The following ZFP14 variants were observed in gnomAD, a reference collection of about 807,000 sequenced individuals.
ZFP14 encodes zinc finger protein 14 homolog.
ZFP14 carries 22 observed loss-of-function variants against 54.5 expected under a neutral mutation model. That is an observed-to-expected ratio of 0.40 (90% confidence interval 0.29 to 0.58). The LOEUF (loss-of-function observed/expected upper bound fraction) is 0.58, where lower values mean the gene tolerates loss of function less well. ZFP14 is among the 20% of genes least tolerant of loss of function. The pLI is 0.39. For synonymous variants in ZFP14, 159 were observed against 204.0 expected, an observed-to-expected ratio of 0.78 and a Z score of 1.88; for missense variants, 470 against 637.8, an observed-to-expected ratio of 0.74 and a Z score of 2.83.
At chr19:36,372,636 G>A (rs928840594) in intron 1 of ZFP14, among the ~76,000 whole-genome samples, 1 of 152,082 alleles carries the variant, frequency 6.6e-6, no homozygotes, top group Non-Finnish European at 1.5e-5. Context: ...ATGACAAACA[G>A]TATGGAGAGG....
chr19:36,346,211 G>A (rs540073932), intron 4 of ZFP14, among the ~76,000 whole-genome samples: 16 of 152,176 alleles, frequency 1.1e-4, no homozygotes, highest in South Asian at 4.1e-4. Flanking sequence ...GTCTGAGCCC[G>A]GGAGGCGGGC....
intron 4 of ZFP14, among the ~76,000 whole-genome samples, chr19:36,348,918 G>A (rs749111163): frequency 6.6e-6 from 1 of 152,028 alleles, no homozygotes; most frequent in Non-Finnish European, 1.5e-5. Context: ...GTATCTCAGT[G>A]GAAAATTCTA....
intron 4 of ZFP14, among the ~76,000 whole-genome samples, chr19:36,351,311 C>A (rs2031520731): frequency 7.0e-6 from 1 of 142,140 alleles, no homozygotes; most frequent in Non-Finnish European, 1.6e-5. Flanking sequence ...CCAGCCTGGC[C>A]AACATGGCGA....
chr19:36,354,285 C>T (rs2031577861), intron 4 of ZFP14, among the ~76,000 whole-genome samples: 1 of 136,110 alleles, frequency 7.3e-6, no homozygotes, highest in South Asian at 2.4e-4. Context: ...ACAGGAGTAT[C>T]GCCTGAACCT....
chr19:36,346,905 T>A (rs991824678), intron 4 of ZFP14, among the ~76,000 whole-genome samples: 1 of 152,240 alleles, frequency 6.6e-6, no homozygotes, highest in Admixed American at 6.5e-5. Context: ...GTTCGCTTGC[T>A]TGTTCAGGAT....
rs2031227405 is a variant in ZFP14, at chr19:36,337,567, AT to A, written c.*2656del. 6.6e-6 allele frequency: 1 copy of A among 152,180 alleles called. No homozygotes were observed. Among genetic ancestry groups the A allele is most frequent in the South Asian group, 2.1e-4 (1 of 4,832 alleles). The allele number at this position is 152,180 out of a possible 1,614,324, so 9.4% of individuals were successfully genotyped here. A position where few individuals can be genotyped will look rare whatever the true frequency, so the allele number is the denominator to read the frequency against. On this transcript the variant is annotated 3_prime_UTR_variant, in exon 5 of 5. Coordinates refer to ENST00000270001, the MANE Select transcript of ZFP14 (RefSeq NM_020917.3). Reference sequence around the variant, plus strand: ...GTAATATGCAAATACATACTATGCCATTTTATACAAGGGACTTGAGCATCCT... The same window carrying A: ...GTAATATGCAAATACATACTATGCCATTTATACAAGGGACTTGAGCATCCT...
intron 1 of ZFP14, among the ~76,000 whole-genome samples, chr19:36,370,255 A>G (rs549237443): frequency 6.6e-6 from 1 of 152,206 alleles, no homozygotes; most frequent in Non-Finnish European, 1.5e-5. Context: ...CACAGTGTAG[A>G]CAGAGGTATT....
In ZFP14 at chr19:36,367,865, CAG is replaced by C; in HGVS notation, c.9+17_9+18del. 1 of 1,610,646 alleles carries C rather than the reference CAG, an allele frequency of 6.2e-7. No individual in the cohort carries two copies. The highest frequency in any genetic ancestry group is 8.5e-7 in the Non-Finnish European group (1 of 1,178,566). On this transcript the variant is annotated intron_variant, in intron 2 of 4. Coordinates refer to ENST00000270001, the MANE Select transcript of ZFP14 (RefSeq NM_020917.3). ...GAAATTGACAGTATTTCGAAAAGGA[CAG>C]AGAAACATTAACTTACATGGGCCAT...
At chr19:36,359,637 CTCTTATTAT>C (rs796985274) in intron 4 of ZFP14, among the ~76,000 whole-genome samples, 99 of 152,016 alleles carry the variant, frequency 6.5e-4, no homozygotes, top group African/African-American at 2.3e-3. Flanking sequence ...TCATGGCATT[CTCTTATTAT>C]TCTTATTATT....
intron 1 of ZFP14, among the ~76,000 whole-genome samples, chr19:36,373,670 C>CA (rs2031913859): frequency 6.6e-6 from 1 of 151,642 alleles, no homozygotes; most frequent in Admixed American, 6.6e-5. Flanking sequence ...TTTTATCTGT[C>CA]AAAAAATAAT....
At chr19:36,368,017 T>C (rs1415990453) in intron 1 of ZFP14, 46 bp from the exon 2 acceptor site, 5 of 1,138,612 alleles carry the variant, frequency 4.4e-6, no homozygotes, top group Non-Finnish European at 6.1e-6. Context: ...GCCACAGAGC[T>C]CCCAAAATGA....
chr19:36,347,559 A>T lies in ZFP14; in HGVS notation c.236-5969T>A, dbSNP rs534035208. On this transcript the variant is annotated intron_variant, in intron 4 of 4. Coordinates refer to ENST00000270001, the MANE Select transcript of ZFP14 (RefSeq NM_020917.3). ...AGGAGGCAGAGGTTGCAATGAGCCG[A>T]GATCACGCCACTGCACTATAGCCTG... is the stretch of plus-strand genomic sequence containing the variant. Among the ~76,000 whole-genome samples, 11 of 152,180 alleles carry T rather than the reference A, an allele frequency of 7.2e-5. No homozygotes were observed. The East Asian group carries it at 2.1e-3, about 30-fold the overall frequency.
In ZFP14 at chr19:36,352,473, G is replaced by A. The variant is rs191922249; in HGVS notation, c.235+7962C>T. Among the ~76,000 whole-genome samples, 3 of 143,202 alleles carry A rather than the reference G, an allele frequency of 2.1e-5. No individual in the cohort carries two copies. The East Asian group carries it at 6.2e-4, about 30-fold the overall frequency. 93.9% of individuals were successfully genotyped at this position (143,202 alleles called of 152,430 possible). A position where few individuals can be genotyped will look rare whatever the true frequency, so the allele number is the denominator to read the frequency against. On this transcript the variant is annotated intron_variant, in intron 4 of 4. Coordinates refer to ENST00000270001, the MANE Select transcript of ZFP14 (RefSeq NM_020917.3). ...AACCCAAATATGTAAGAAAATTAAT[G>A]AAATGTAGATGCATAAAATACATCA...
intron 4 of ZFP14, among the ~76,000 whole-genome samples, chr19:36,354,680 T>A (rs2031585228): frequency 7.0e-6 from 1 of 142,154 alleles, no homozygotes; most frequent in Non-Finnish European, 1.6e-5. Flanking sequence ...ATTTAAAACA[T>A]CCCTATCTCT....
chr19:36,351,018 A>G (rs1269781818), intron 4 of ZFP14, among the ~76,000 whole-genome samples: 2 of 144,040 alleles, frequency 1.4e-5, no homozygotes, highest in Non-Finnish European at 1.5e-5. Flanking sequence ...GCCAGTGGAC[A>G]CAATAAAATA....
intron 4 of ZFP14, among the ~76,000 whole-genome samples, chr19:36,344,149 C>T (rs1165655643): frequency 6.6e-6 from 1 of 152,070 alleles, no homozygotes; most frequent in Non-Finnish European, 1.5e-5. Context: ...ATTACAGGCA[C>T]CCACCACCAG....
rs1247230826 is a variant in ZFP14 at position 36,355,585 on chromosome 19, A to G, written c.235+4850T>C. ...GTAAACCCAGCTACTCAGGAGGCTG[A>G]GACGGGAGGATTGCTTGGGCCCAGG... On this transcript the variant is annotated intron_variant, in intron 4 of 4. Transcript: ENST00000270001. Among the ~76,000 whole-genome samples, 7 of 140,148 alleles carry G rather than the reference A, an allele frequency of 5.0e-5. 2 individuals carry two copies. The highest frequency in any genetic ancestry group is 1.8e-4 in the African/African-American group (7 of 38,130). 91.9% of individuals were successfully genotyped at this position (140,148 alleles called of 152,430 possible).
In ZFP14 at chr19:36,352,804, G is replaced by A. The variant is rs1188897527; in HGVS notation, c.235+7631C>T. Among the ~76,000 whole-genome samples, 8 of 142,340 alleles carry A rather than the reference G, an allele frequency of 5.6e-5. 2 individuals carry two copies. Among genetic ancestry groups the A allele is most frequent in the Non-Finnish European group, 9.3e-5 (6 of 64,190 alleles). The allele number at this position is 142,340 out of a possible 152,430, so 93.4% of individuals were successfully genotyped here. ...AAAATATAAAAAATTAGCCGGGCGT[G>A]GTGGCAGGCGCCTGTAGTCCCAGCT... On this transcript the variant is annotated intron_variant, in intron 4 of 4. Coordinates refer to ENST00000270001, the MANE Select transcript of ZFP14 (RefSeq NM_020917.3).
chr19:36,343,865 A>G (rs148986259), intron 4 of ZFP14, among the ~76,000 whole-genome samples: 6 of 152,224 alleles, frequency 3.9e-5, no homozygotes, highest in Non-Finnish European at 8.8e-5. Flanking sequence ...CCACTCCCAT[A>G]ATAACTCATT....
Sources: allele counts gnomAD v4.1 joint callset (sites outside exome capture counted in the v4.1 genomes callset), GRCh38; gene constraint gnomAD v4.1.1; transcripts MANE v1.5; gene names NCBI Gene and HGNC (gene_info 2026-07-23, HGNC 2026-07-21).